Variants in METRNL observed in about 807,000 individuals in gnomAD.
METRNL encodes meteorin like, glial cell differentiation regulator.
A neutral mutation model predicts 17.4 loss-of-function variants in METRNL; 9 were observed. The observed-to-expected ratio is 0.52, with a 90% CI of 0.31 to 0.90. The LOEUF is 0.90. Among genes scored for constraint, METRNL ranks in the 40% least tolerant of loss-of-function variants. METRNL has a pLI of 0.05. For synonymous variants in METRNL, 215 were observed against 199.3 expected, an observed-to-expected ratio of 1.08 and a Z score of -0.66; for missense variants, 408 against 430.7, an observed-to-expected ratio of 0.95 and a Z score of 0.47.
chr17:83,080,572 C>A lies in METRNL; in HGVS notation c.170+587C>A, dbSNP rs1410007385. 3.8e-5 allele frequency among the ~76,000 whole-genome samples: 5 copies of A among 132,082 alleles called. 1 individual carries two copies. Among genetic ancestry groups the A allele is most frequent in the Admixed American group, 1.5e-4 (2 of 13,644 alleles). 86.7% of individuals were successfully genotyped at this position (132,082 alleles called of 152,430 possible). A position where few individuals can be genotyped will look rare whatever the true frequency, so the allele number is the denominator to read the frequency against. ...CGCGCGCTGCGCTGGGCGACCCCCC[C>A]CCCCCCCACCCGCGGTGGCGGCCGA... On this transcript the variant is annotated intron_variant, in intron 1 of 3. Coordinates refer to ENST00000320095, the MANE Select transcript of METRNL (RefSeq NM_001004431.3).
rs765304662 is a variant in METRNL at position 83,085,327 on chromosome 17, A to T, written c.556+4A>T. ...TCGGACCTGCACGAGCTGTCTGGTG[A>T]GTGTCCTGCCTGGGGCGGGGGCGGC... On this transcript the variant is annotated splice_donor_region_variant and intron_variant, in intron 2 of 3. Coordinates refer to ENST00000320095, the MANE Select transcript of METRNL (RefSeq NM_001004431.3). 2.6e-6 allele frequency: 4 copies of T among 1,518,122 alleles called. No individual in the cohort carries two copies. The highest frequency in any genetic ancestry group is 3.5e-6 in the Non-Finnish European group (4 of 1,133,464). 94.0% of individuals were successfully genotyped at this position (1,518,122 alleles called of 1,614,324 possible). A position where few individuals can be genotyped will look rare whatever the true frequency, so the allele number is the denominator to read the frequency against.
chr17:83,079,940 G>A lies in METRNL; in HGVS notation c.125G>A (p.Gly42Asp), dbSNP rs1487727641. ...CTGCTCCTGGCCGGGCTGCTGGGCGGCGCGGGCGCGCAGTACTCCAGCGAC... is the reference window on the plus strand; with the variant it reads ...CTGCTCCTGGCCGGGCTGCTGGGCGACGCGGGCGCGCAGTACTCCAGCGAC... ...LLLLLAGLLG[G>D]AGAQYSSDRC... Residue 42 changes from glycine (G) to aspartate (D), a missense_variant, in exon 1 of 4, where the codon GGC (glycine) becomes GAC (aspartate). Gly to Asp is a moderately conservative substitution (Grantham distance 94, BLOSUM62 -1). Coordinates refer to ENST00000320095, the MANE Select transcript of METRNL (RefSeq NM_001004431.3). The A allele has an allele frequency of 2.4e-5, 24 of 1,013,212 alleles. No homozygotes were observed. The highest frequency in any genetic ancestry group is 3.5e-5 in the African/African-American group (2 of 57,264). The allele number at this position is 1,013,212 out of a possible 1,614,324, so 62.8% of individuals were successfully genotyped here. A position where few individuals can be genotyped will look rare whatever the true frequency, so the allele number is the denominator to read the frequency against.
chr17:83,094,400 T>G lies in METRNL; in HGVS notation c.761T>G (p.Val254Gly). The G allele has an allele frequency of 6.2e-7, 1 of 1,609,794 alleles. No homozygotes were observed. The highest frequency in any genetic ancestry group is 2.2e-5 in the East Asian group (1 of 44,786). ...PEGDGHWQGR[V>G]RTLLECGVRP... The stretch of plus-strand genomic sequence containing the variant: ...GGTGACGGCCACTGGCAGGGGCGCG[T>G]CAGGACGCTGCTGGAGTGTGGCGTG... The change falls in exon 4 of 4, where the codon GTC becomes GGC. Residue 254 changes from valine to glycine, a missense_variant. Val to Gly is a moderately radical substitution (Grantham distance 109). Transcript: ENST00000320095.
chr17:83,091,735 G>A lies in METRNL; in HGVS notation c.557-1432G>A, dbSNP rs9913137. On this transcript the variant is annotated intron_variant, in intron 2 of 3. Transcript: ENST00000320095. ...GGCCGGCGAACCCCAAGTCAAGGTC[G>A]TCCCAGCTCTTGGCCAGGGACGTTT... 2.0e-3 allele frequency among the ~76,000 whole-genome samples: 302 copies of A among 152,320 alleles called. 1 individual carries two copies. The highest frequency in any genetic ancestry group is 6.2e-3 in the African/African-American group (259 of 41,576).
chr17:83,085,869 A>C (rs2038047620), intron 2 of METRNL, among the ~76,000 whole-genome samples: 1 of 152,166 alleles, frequency 6.6e-6, no homozygotes, highest in South Asian at 2.1e-4. Context: ...TGAAACGTCC[A>C]TTTTTGGGTG....
At position 83,094,895 on chromosome 17, in the gene METRNL, A is replaced by G. The variant is rs1170982632; in HGVS notation, c.*320A>G. 6.8e-6 allele frequency: 2 copies of G among 292,924 alleles called. No individual in the cohort carries two copies. Among genetic ancestry groups the G allele is most frequent in the Non-Finnish European group, 1.3e-5 (2 of 159,528 alleles). The allele number at this position is 292,924 out of a possible 1,614,324, so 18.1% of individuals were successfully genotyped here. A position where few individuals can be genotyped will look rare whatever the true frequency, so the allele number is the denominator to read the frequency against. The stretch of plus-strand genomic sequence containing the variant: ...GGTGTGCCGTCTGATACTGTTCTCT[A>G]AAGACGTTAGGAGTCACGGCATCTG... On this transcript the variant is annotated 3_prime_UTR_variant, in exon 4 of 4. Coordinates refer to ENST00000320095, the MANE Select transcript of METRNL (RefSeq NM_001004431.3).
At chr17:83,086,296 T>C (rs1481744607) in intron 2 of METRNL, among the ~76,000 whole-genome samples, 1 of 152,164 alleles carries the variant, frequency 6.6e-6, no homozygotes, top group African/African-American at 2.4e-5. Flanking sequence ...ACAGAGTGAG[T>C]GTAGGACCGT....
intron 2 of METRNL, among the ~76,000 whole-genome samples, 181 bp from the exon 3 acceptor site, chr17:83,092,986 C>T (rs536807105): frequency 2.0e-5 from 3 of 152,280 alleles, no homozygotes; most frequent in South Asian, 2.1e-4. Flanking sequence ...CCCGTGCTGC[C>T]GGCCCCTCCA....
Position 83,094,691 on chromosome 17 carries a change from A to G in METRNL, c.*116A>G, listed in dbSNP as rs2038183105. On this transcript the variant is annotated 3_prime_UTR_variant, in exon 4 of 4. Coordinates refer to ENST00000320095, the MANE Select transcript of METRNL (RefSeq NM_001004431.3). ...GCTGGGAGCCGCATGCCCTGGGCCC[A>G]GGCCTGACCCTGGTACCGAAGCTGT... 3.8e-6 allele frequency: 3 copies of G among 796,582 alleles called. No homozygotes were observed. The highest frequency in any genetic ancestry group is 4.6e-5 in the South Asian group (1 of 21,896). 49.3% of individuals were successfully genotyped at this position (796,582 alleles called of 1,614,324 possible). A position where few individuals can be genotyped will look rare whatever the true frequency, so the allele number is the denominator to read the frequency against.
At chr17:83,087,960 C>G (rs11867904) in intron 2 of METRNL, among the ~76,000 whole-genome samples, 5 of 152,212 alleles carry the variant, frequency 3.3e-5, no homozygotes, top group African/African-American at 1.2e-4. Context: ...GGAAATCCCC[C>G]GCTCCGGTGG....
chr17:83,091,617 G>A (rs546774585), intron 2 of METRNL, among the ~76,000 whole-genome samples: 165 of 152,312 alleles, frequency 1.1e-3, no homozygotes, highest in Non-Finnish European at 1.7e-3. Context: ...CAGCTGGCTC[G>A]GGCCTGTACT....
In METRNL at chr17:83,094,473, G is replaced by A. The variant is rs757184276; in HGVS notation, c.834G>A (p.Gly278=). The A allele has an allele frequency of 6.3e-7, 1 of 1,586,730 alleles. No homozygotes were observed. The highest frequency in any genetic ancestry group is 8.6e-7 in the Non-Finnish European group (1 of 1,160,556). The change falls in exon 4 of 4, where the codon GGG becomes GGA. Residue 278 remains glycine (G), a synonymous_variant. Transcript: ENST00000320095. The stretch of plus-strand genomic sequence containing the variant: ...TCTTCACTGGCCACATGCACTTCGG[G>A]GAGGCGCGGCTCGGCTGTGCCCCAC... ...DFLFTGHMHF[G]EARLGCAPRF... is the part of the protein sequence containing the mutation.
chr17:83,080,067 C>A, intron 1 of METRNL, 82 bp downstream of exon 1: 2 of 888,318 alleles, frequency 2.3e-6, no homozygotes, highest in Non-Finnish European at 2.7e-6. Context: ...CGTGCGGGGG[C>A]GCGGCCGGGG....
In METRNL at chr17:83,079,803, C is replaced by G; in HGVS notation, c.-13C>G. The G allele has an allele frequency of 1.0e-6, 1 of 975,118 alleles. No homozygotes were observed. Among genetic ancestry groups the G allele is most frequent in the Non-Finnish European group, 1.2e-6 (1 of 824,654 alleles). The allele number at this position is 975,118 out of a possible 1,614,324, so 60.4% of individuals were successfully genotyped here. A position where few individuals can be genotyped will look rare whatever the true frequency, so the allele number is the denominator to read the frequency against. On this transcript the variant is annotated 5_prime_UTR_variant, in exon 1 of 4. Transcript: ENST00000320095. ...GCGGACGCGGGGCCGGGCGGCGGAG[C>G]CGGCGCCAGAGCATGCGGGGCGCGG... is the stretch of plus-strand genomic sequence containing the variant.
intron 1 of METRNL, among the ~76,000 whole-genome samples, chr17:83,082,445 C>T (rs2038000604): frequency 1.3e-5 from 2 of 152,246 alleles, no homozygotes; most frequent in African/African-American, 4.8e-5. Context: ...AGCATGTCCA[C>T]CTGGGTGGTA....
At chr17:83,090,181 G>A (rs1320355804) in intron 2 of METRNL, among the ~76,000 whole-genome samples, 13 of 14,634 alleles carry the variant, frequency 8.9e-4, no homozygotes, top group Admixed American at 5.2e-3. Flanking sequence ...CCCCTGCCCC[G>A]CCCCAGGGTG....
intron 1 of METRNL, among the ~76,000 whole-genome samples, chr17:83,081,358 A>C (rs79964142): frequency 0.13 from 20,047 of 151,702 alleles, 1,610 homozygotes; most frequent in African/African-American, 0.23. Flanking sequence ...CGAAGCCAGA[A>C]ACGCCGCCCC....
chr17:83,091,489 A>G (rs981171749), intron 2 of METRNL, among the ~76,000 whole-genome samples: 10 of 152,196 alleles, frequency 6.6e-5, no homozygotes, highest in African/African-American at 2.2e-4. Flanking sequence ...CCACATGTGC[A>G]GGCCCTGAGG....
At chr17:83,082,108 G>A (rs971043943) in intron 1 of METRNL, 3 of 985,320 alleles carry the variant, frequency 3.0e-6, no homozygotes, top group Admixed American at 6.1e-5. Flanking sequence ...CTTCCGTGGG[G>A]GGAGGCGGGA....
Sources: gnomAD v4.1 joint callset for allele counts (sites outside exome capture counted in the v4.1 genomes callset) on GRCh38, gnomAD v4.1.1 for gene constraint, MANE v1.5 for transcripts, NCBI Gene and HGNC (gene_info 2026-07-23, HGNC 2026-07-21) for gene names.